Variants in GPHN observed in about 807,000 individuals in gnomAD.
GPHN encodes gephyrin.
Under a neutral mutation model 95.5 loss-of-function variants are expected in GPHN, and 17 were observed. That is an observed-to-expected ratio of 0.18 (90% CI 0.12 to 0.27). The LOEUF (loss-of-function observed/expected upper bound fraction) is 0.27, where lower values mean the gene tolerates loss of function less well. Among genes scored for constraint, GPHN ranks in the 10% least tolerant of loss-of-function variants. GPHN has a pLI of 1.00. For missense variants in GPHN, 660 were observed against 978.1 expected (o/e 0.67, Z 4.34); for synonymous variants, 320 against 322.5 (o/e 0.99, Z 0.08).
At chr14:67,243,654 G>A in the GPHN span, among the ~76,000 whole-genome samples, 1 of 151,206 alleles carries the variant, frequency 6.6e-6, no homozygotes, top group Non-Finnish European at 1.5e-5. Flanking sequence ...CACCACGCCT[G>A]CTAATTTTTT....
chr14:67,176,973 CTT>C (rs1354871550), intron 21 of GPHN, among the ~76,000 whole-genome samples: 2 of 152,076 alleles, frequency 1.3e-5, no homozygotes, highest in African/African-American at 4.8e-5. Flanking sequence ...CTCTTTTCTT[CTT>C]TGTTAGTCTT....
At chr14:67,164,630 T>A (rs934369806) in intron 19 of GPHN, among the ~76,000 whole-genome samples, 46 of 152,072 alleles carry the variant, frequency 3.0e-4, no homozygotes, top group Admixed American at 9.8e-4. Context: ...TAGCTGGGAT[T>A]ACAGGCGCAC....
At chr14:67,571,840 C>G in the GPHN span, 5 of 1,613,860 alleles carry the variant, frequency 3.1e-6, no homozygotes, top group Non-Finnish European at 3.4e-6. Flanking sequence ...TTCCGAATCT[C>G]GGTCCCCTCC....
intron 9 of GPHN, among the ~76,000 whole-genome samples, chr14:67,011,775 A>T (rs1165813405): frequency 1.3e-5 from 2 of 149,636 alleles, no homozygotes; most frequent in African/African-American, 2.4e-5. Flanking sequence ...GTGTGCTATG[A>T]AGATAGAATA....
At chr14:67,072,394 T>C (rs943416234) in intron 11 of GPHN, among the ~76,000 whole-genome samples, 1 of 152,060 alleles carries the variant, frequency 6.6e-6, no homozygotes, top group Non-Finnish European at 1.5e-5. Context: ...AGCAGGGTTA[T>C]TTTTTTAAGT....
At chr14:67,631,966 A>G in the GPHN span, among the ~76,000 whole-genome samples, 1 of 152,140 alleles carries the variant, frequency 6.6e-6, no homozygotes, top group African/African-American at 2.4e-5. Context: ...CCTCTACCTC[A>G]TGGGCTCAAG....
chr14:66,899,758 AT>A (rs2065038512), intron 5 of GPHN, among the ~76,000 whole-genome samples: 1 of 151,856 alleles, frequency 6.6e-6, no homozygotes, highest in Non-Finnish European at 1.5e-5. Flanking sequence ...TGATTTTGGT[AT>A]CAAGTTAATA....
rs1033691694 is a variant in GPHN, at chr14:66,772,630, C to T, written c.144-3834C>T. Among the ~76,000 whole-genome samples the T allele has an allele frequency of 2.0e-4, 31 of 152,170 alleles. 1 individual carries two copies. Among genetic ancestry groups the T allele is most frequent in the Admixed American group, 6.5e-5 (1 of 15,288 alleles). ...AATAATGGCCAAATTCACAGGTACA[C>T]GTTTAGCACTATTTCTTCCTGAATA... On this transcript the variant is annotated intron_variant, in intron 2 of 22. Transcript: ENST00000478722.
At chr14:67,458,824 C>G in the GPHN span, among the ~76,000 whole-genome samples, 1 of 152,300 alleles carries the variant, frequency 6.6e-6, no homozygotes, top group African/African-American at 2.4e-5. Context: ...TGGGCTCAAG[C>G]CTCCCACCTC....
chr14:66,796,861 AT>A (rs2060174285), intron 3 of GPHN, among the ~76,000 whole-genome samples: 2 of 151,858 alleles, frequency 1.3e-5, no homozygotes, highest in African/African-American at 4.8e-5. Context: ...TTGGTTACCT[AT>A]GCTTGTGGAG....
intron 10 of GPHN, among the ~76,000 whole-genome samples, chr14:67,041,892 G>A (rs1189276729): frequency 4.6e-5 from 7 of 151,910 alleles, no homozygotes; most frequent in East Asian, 1.9e-4. Flanking sequence ...GTTTCCTGAC[G>A]TTTTAATGAT....
intron 17 of GPHN, among the ~76,000 whole-genome samples, chr14:67,127,523 G>A (rs1427925231): frequency 3.3e-5 from 5 of 152,146 alleles, no homozygotes; most frequent in East Asian, 1.9e-4. Flanking sequence ...CCTGTGAGTC[G>A]TCTGGAGATC....
the GPHN span, among the ~76,000 whole-genome samples, chr14:67,323,289 T>G: frequency 6.8e-6 from 1 of 147,364 alleles, no homozygotes; most frequent in Admixed American, 6.8e-5. Context: ...TCACAGTATA[T>G]TCTTACAGTG....
the GPHN span, among the ~76,000 whole-genome samples, chr14:67,527,991 C>G: frequency 6.6e-6 from 1 of 152,200 alleles, no homozygotes; most frequent in African/African-American, 2.4e-5. Flanking sequence ...CCTCCACGCT[C>G]TCCCTCTCCT....
the GPHN span, among the ~76,000 whole-genome samples, chr14:67,400,486 G>A: frequency 6.6e-6 from 1 of 152,184 alleles, no homozygotes. Flanking sequence ...ACATAGCCCA[G>A]CCTCAGGTCC....
At chr14:67,478,875 C>T in the GPHN span, among the ~76,000 whole-genome samples, 2 of 152,096 alleles carry the variant, frequency 1.3e-5, no homozygotes, top group Non-Finnish European at 2.9e-5. Flanking sequence ...GCACCAGCAG[C>T]CTCCTGAGGA....
intron 2 of GPHN, among the ~76,000 whole-genome samples, chr14:66,705,520 T>A (rs561210628): frequency 6.6e-6 from 1 of 152,244 alleles, no homozygotes; most frequent in South Asian, 2.1e-4. Flanking sequence ...CATACCCAAA[T>A]CAATGAATGT....
At chr14:66,773,993 GTTTTTTTTTTTTTT>G (rs1172451199) in intron 2 of GPHN, among the ~76,000 whole-genome samples, 4 of 89,970 alleles carry the variant, frequency 4.4e-5, no homozygotes, top group Non-Finnish European at 8.0e-5. Flanking sequence ...TATCTAGAAA[GTTTTTTTTTTTTTT>G]TTTTTTTTTT....
At chr14:66,737,164 G>A (rs1033604130) in intron 2 of GPHN, among the ~76,000 whole-genome samples, 16 of 152,138 alleles carry the variant, frequency 1.1e-4, no homozygotes, top group East Asian at 3.9e-4. Context: ...TCTGTAGTTC[G>A]TCGTTTCTAC....
Sources: allele counts gnomAD v4.1 joint callset (sites outside exome capture counted in the v4.1 genomes callset), GRCh38; gene constraint gnomAD v4.1.1; transcripts MANE v1.5; gene names NCBI Gene and HGNC (gene_info 2026-07-23, HGNC 2026-07-21).